Variants in CAMTA1 observed in about 807,000 individuals in gnomAD.
CAMTA1 encodes the protein calmodulin-binding transcription activator 1.
A neutral mutation model predicts 170.9 loss-of-function variants in CAMTA1; 27 were observed. The ratio of observed to expected loss-of-function variants is 0.16; its 90% CI spans 0.12 to 0.22. The LOEUF (loss-of-function observed/expected upper bound fraction) is 0.22. CAMTA1 is among the 10% of genes least tolerant of loss of function. The pLI, the probability that CAMTA1 is intolerant of heterozygous loss-of-function variation, is 1.00. For synonymous variants in CAMTA1, 833 were observed against 891.5 expected (o/e 0.93, Z 1.17); for missense variants, 1,619 against 2,217.2 (o/e 0.73, Z 5.42).
intron 5 of CAMTA1, among the ~76,000 whole-genome samples, chr1:7,353,471 G>T (rs868606032): frequency 4.0e-5 from 6 of 149,154 alleles, no homozygotes; most frequent in South Asian, 2.1e-4. Context: ...TGTTGCCCAG[G>T]CTGGAGTGCA....
At chr1:7,644,547 C>T (rs1011932818) in intron 7 of CAMTA1, among the ~76,000 whole-genome samples, 4 of 152,170 alleles carry the variant, frequency 2.6e-5, no homozygotes, top group African/African-American at 9.7e-5. Context: ...TGGCTCCCTC[C>T]GGGTGGCTGC....
chr1:7,042,364 G>A (rs771342078), intron 3 of CAMTA1, among the ~76,000 whole-genome samples: 2 of 152,154 alleles, frequency 1.3e-5, no homozygotes, highest in African/African-American at 4.8e-5. Context: ...GTTCCTGGCC[G>A]ACCTTCTTCT....
intron 4 of CAMTA1, among the ~76,000 whole-genome samples, chr1:7,222,745 C>A (rs981159578): frequency 2.0e-5 from 3 of 152,244 alleles, no homozygotes; most frequent in Non-Finnish European, 4.4e-5. Context: ...GGTCCCTGGG[C>A]CAGAGGATGC....
chr1:7,520,224 T>A, intron 6 of CAMTA1, among the ~76,000 whole-genome samples: 1 of 32,300 alleles, frequency 3.1e-5, no homozygotes, highest in South Asian at 1.6e-3. Flanking sequence ...CTCCTCCTCC[T>A]CCTCCCTCCT....
chr1:7,661,648 G>A, intron 7 of CAMTA1, 78 bp from the exon 8 acceptor site: 1 of 1,532,392 alleles, frequency 6.5e-7, no homozygotes, highest in Non-Finnish European at 9.0e-7. Flanking sequence ...GGGAGGGCCT[G>A]GGTCCTACCC....
At chr1:7,656,668 G>GCT (rs1164688217) in intron 7 of CAMTA1, among the ~76,000 whole-genome samples, 9 of 152,334 alleles carry the variant, frequency 5.9e-5, no homozygotes, top group African/African-American at 1.9e-4. Flanking sequence ...AACCCAAGAG[G>GCT]CTCTCGGCTG....
At chr1:6,851,393 A>C (rs780705809) in intron 3 of CAMTA1, among the ~76,000 whole-genome samples, 2 of 152,200 alleles carry the variant, frequency 1.3e-5, no homozygotes, top group Non-Finnish European at 2.9e-5. Flanking sequence ...TACATTATAG[A>C]GTGAGTCTTA....
chr1:7,582,716 A>G (rs969226844), intron 6 of CAMTA1, among the ~76,000 whole-genome samples: 1 of 152,020 alleles, frequency 6.6e-6, no homozygotes. Flanking sequence ...ACTTCCTGGA[A>G]CTCACACATA....
intron 3 of CAMTA1, among the ~76,000 whole-genome samples, chr1:7,055,096 C>T (rs1707093982): frequency 6.6e-6 from 1 of 152,142 alleles, no homozygotes; most frequent in Non-Finnish European, 1.5e-5. Context: ...TTCACGAGAA[C>T]CCTACCCCCA....
At chr1:7,422,825 C>T (rs2091650909) in intron 5 of CAMTA1, among the ~76,000 whole-genome samples, 1 of 152,174 alleles carries the variant, frequency 6.6e-6, no homozygotes, top group South Asian at 2.1e-4. Context: ...TTGGGGTCTG[C>T]AAGCACCAAG....
At chr1:7,716,240 C>G (rs1015874720) in intron 11 of CAMTA1, among the ~76,000 whole-genome samples, 1 of 152,010 alleles carries the variant, frequency 6.6e-6, no homozygotes, top group Non-Finnish European at 1.5e-5. Flanking sequence ...ACTATGTGGC[C>G]CAGGCTGGTC....
rs1298351860 is a variant in CAMTA1, at chr1:6,971,146, C to G, written c.235-120158C>G. ...AGCACAAAGCAGACACAGAAGAAAC[C>G]TTGAAGTAATTAACAGAGTGAGCAT... On this transcript the variant is annotated intron_variant, in intron 3 of 22. Transcript: ENST00000303635. The surrounding 1 kb of genome is among the most constrained non-coding windows in gnomAD (Gnocchi z 4.6). Among the ~76,000 whole-genome samples the G allele has an allele frequency of 1.3e-5, 2 of 152,148 alleles. No homozygotes were observed. Among genetic ancestry groups the G allele is most frequent in the Non-Finnish European group, 2.9e-5 (2 of 68,036 alleles).
chr1:7,640,274 T>C, intron 6 of CAMTA1, 126 bp from the exon 7 acceptor site: 1 of 991,490 alleles, frequency 1.0e-6, no homozygotes, highest in Admixed American at 2.2e-5. Context: ...CCGTCAGCAG[T>C]GTGAGGTCAA....
chr1:7,746,614 C>G (rs771567703), intron 18 of CAMTA1, among the ~76,000 whole-genome samples: 1 of 152,108 alleles, frequency 6.6e-6, no homozygotes, highest in Non-Finnish European at 1.5e-5. Context: ...TGGGGCTTTT[C>G]CGGCACAGAA....
At chr1:7,666,872 GTTGTTTTGTTTTGTT>G (rs199791433) in intron 9 of CAMTA1, among the ~76,000 whole-genome samples, 4 of 151,614 alleles carry the variant, frequency 2.6e-5, no homozygotes, top group African/African-American at 7.3e-5. Flanking sequence ...CCCTGCTGTT[GTTGTTTTGTTTTGTT>G]TTGTTTTGTT....
chr1:7,260,862 C>A (rs1021261924), intron 5 of CAMTA1, among the ~76,000 whole-genome samples: 1 of 152,146 alleles, frequency 6.6e-6, no homozygotes, highest in Non-Finnish European at 1.5e-5. Flanking sequence ...ATGATGGATG[C>A]GAGAGGTAGA....
intron 6 of CAMTA1, among the ~76,000 whole-genome samples, chr1:7,516,729 T>C (rs184788036): frequency 2.6e-5 from 4 of 152,268 alleles, no homozygotes; most frequent in African/African-American, 9.6e-5. Context: ...CAGCAGAATG[T>C]CACAGACCTG....
chr1:7,746,961 A>G (rs1351957591), intron 18 of CAMTA1, among the ~76,000 whole-genome samples: 1 of 152,212 alleles, frequency 6.6e-6, no homozygotes, highest in Non-Finnish European at 1.5e-5. Flanking sequence ...CTACCTTGCC[A>G]TCCTGAGTAC....
At chr1:6,984,303 T>C (rs116560035) in intron 3 of CAMTA1, among the ~76,000 whole-genome samples, 2,689 of 152,004 alleles carry the variant, frequency 0.018, 72 homozygotes, top group African/African-American at 0.062. Context: ...AGGGGTTTCT[T>C]TCTTTTCATG....
Sources: allele counts gnomAD v4.1 joint callset (sites outside exome capture counted in the v4.1 genomes callset), GRCh38; gene constraint gnomAD v4.1.1; non-coding constraint Gnocchi (gnomAD v3.1); transcripts MANE v1.5; gene names NCBI Gene and HGNC (gene_info 2026-07-23, HGNC 2026-07-21).